The following CCDC138 variants were observed in gnomAD, a reference collection of about 807,000 sequenced individuals.
CCDC138 encodes the protein coiled-coil domain containing 138.
CCDC138 carries 66 observed loss-of-function variants against 82.3 expected under a neutral mutation model. The ratio of observed to expected loss-of-function variants is 0.80; its 90% CI spans 0.66 to 0.98. CCDC138 has a LOEUF of 0.98. Ranked by LOEUF, CCDC138 falls within the 50% of genes least tolerant of loss-of-function variation. The probability of loss-of-function intolerance (pLI) is 0.00; values close to 1 mark genes in which losing one functional copy is unlikely to be tolerated. For missense variants in CCDC138, 816 were observed against 758.9 expected (o/e 1.08, Z -0.88); for synonymous variants, 297 against 265.4 (o/e 1.12, Z -1.16).
At chr2:108,854,010 AAT>A (rs1266328330) in intron 12 of CCDC138, among the ~76,000 whole-genome samples, 1,370 of 99,418 alleles carry the variant, frequency 0.014, 19 homozygotes, top group Non-Finnish European at 0.022. Flanking sequence ...TATTATATAT[AAT>A]ATATAATAAA....
chr2:108,830,293 T>C (rs1183062452), intron 10 of CCDC138, among the ~76,000 whole-genome samples: 2 of 152,156 alleles, frequency 1.3e-5, no homozygotes, highest in Non-Finnish European at 2.9e-5. Context: ...GGATACAGAG[T>C]TTCATTTTGG....
chr2:108,882,643 T>A (rs1242214049), intron 1 of CCDC138: 1 of 152,312 alleles, frequency 6.6e-6, no homozygotes, highest in African/African-American at 2.4e-5. Context: ...ACCTTTTTTG[T>A]TCACTTCCCA....
chr2:108,796,208 C>T (rs1680851165), intron 5 of CCDC138, among the ~76,000 whole-genome samples: 1 of 152,082 alleles, frequency 6.6e-6, no homozygotes, highest in South Asian at 2.1e-4. Context: ...GCCACCGCGC[C>T]CGGCTAATTT....
chr2:108,797,203 A>G (rs762940148), intron 5 of CCDC138, among the ~76,000 whole-genome samples: 2 of 152,200 alleles, frequency 1.3e-5, no homozygotes, highest in African/African-American at 2.4e-5. Context: ...AGCCCAAATC[A>G]TAAGGAATAT....
chr2:108,835,327 A>G (rs1464392500), intron 10 of CCDC138, among the ~76,000 whole-genome samples: 1 of 152,224 alleles, frequency 6.6e-6, no homozygotes, highest in Non-Finnish European at 1.5e-5. Flanking sequence ...GTTCTTATTC[A>G]GAAAATATTC....
downstream of CCDC138, among the ~76,000 whole-genome samples, chr2:108,880,191 TAA>T (rs10714990): frequency 0.74 from 108,896 of 148,076 alleles, 42,376 homozygotes; most frequent in East Asian, 0.95. Flanking sequence ...CAGGGTAACT[TAA>T]AAAAAAAAAA....
intron 9 of CCDC138, 116 bp from the exon 10 acceptor site, chr2:108,815,825 C>T (rs1321044687): frequency 5.9e-6 from 5 of 852,966 alleles, no homozygotes; most frequent in Non-Finnish European, 9.0e-6. Context: ...GTCCTTAACA[C>T]ATTTTAGTGA....
rs529382484 is a variant in CCDC138 at position 108,829,395 on chromosome 2, A to C, written c.1207-9790A>C. On this transcript the variant is annotated intron_variant, in intron 10 of 14. Transcript: ENST00000295124. ...AGCTCATAAAAAGATGCTTAACATC[A>C]CTACTCTCTAAGGAAATACAAAACC... Among the ~76,000 whole-genome samples, 3 of 152,342 alleles carry C rather than the reference A, an allele frequency of 2.0e-5. No homozygotes were observed. The South Asian group carries it at 6.2e-4, about 32-fold the overall frequency.
chr2:108,837,482 AAT>A (rs1214027541), intron 10 of CCDC138, among the ~76,000 whole-genome samples: 1 of 152,190 alleles, frequency 6.6e-6, no homozygotes, highest in African/African-American at 2.4e-5. Flanking sequence ...GTGGTCCCAT[AAT>A]ATTATAATGG....
intron 13 of CCDC138, among the ~76,000 whole-genome samples, chr2:108,872,778 A>G (rs944250256): frequency 6.6e-6 from 1 of 152,150 alleles, no homozygotes; most frequent in African/African-American, 2.4e-5. Flanking sequence ...TTTCAACATG[A>G]GTTCTACAGA....
chr2:108,838,363 C>T (rs1385194654), intron 10 of CCDC138, among the ~76,000 whole-genome samples: 1 of 152,202 alleles, frequency 6.6e-6, no homozygotes, highest in Non-Finnish European at 1.5e-5. Context: ...ACAATACACT[C>T]ATAATCATTA....
chr2:108,832,838 A>T (rs528712175), intron 10 of CCDC138, among the ~76,000 whole-genome samples: 15 of 152,240 alleles, frequency 9.9e-5, no homozygotes, highest in Non-Finnish European at 4.4e-5. Context: ...GTGAGGTATG[A>T]TGTGAGGAAA....
intron 5 of CCDC138, 45 bp from the exon 6 acceptor site, chr2:108,798,383 A>G: frequency 6.3e-7 from 1 of 1,577,284 alleles, no homozygotes. Context: ...AATTTGCAGA[A>G]TTTGTGACTT....
chr2:108,873,140 G>A lies in CCDC138; in HGVS notation c.1694-311G>A, dbSNP rs1197301483. On this transcript the variant is annotated intron_variant, in intron 13 of 14. Transcript: ENST00000295124. ...TGTTGCTAATTATAGTATTTAAACT[G>A]AACTTATTGTTACGAACTTACTGAA... is the stretch of plus-strand genomic sequence containing the variant. Among the ~76,000 whole-genome samples the A allele has an allele frequency of 2.0e-5, 3 of 152,112 alleles. No homozygotes were observed. In the East Asian group the frequency reaches 5.8e-4, roughly 29 times the overall value.
chr2:108,811,560 C>CT (rs1269522795), intron 7 of CCDC138, among the ~76,000 whole-genome samples: 1 of 151,936 alleles, frequency 6.6e-6, no homozygotes, highest in African/African-American at 2.4e-5. Flanking sequence ...TTTTCTTAGT[C>CT]TAGCTCATGG....
rs569980721 is a variant in CCDC138 at position 108,831,878 on chromosome 2, A to C, written c.1207-7307A>C. ...CTCCCGAGTAGCTGGGATTGCAGGC[A>C]CTGGCCACCATGCCTGGCTAATTTT... On this transcript the variant is annotated intron_variant, in intron 10 of 14. Transcript: ENST00000295124. Among the ~76,000 whole-genome samples, 4 of 146,242 alleles carry C rather than the reference A, an allele frequency of 2.7e-5. No homozygotes were observed. The East Asian group carries it at 8.3e-4, about 30-fold the overall frequency.
intron 2 of CCDC138, chr2:108,884,702 A>G (rs944986316): frequency 1.3e-5 from 2 of 152,112 alleles, no homozygotes; most frequent in African/African-American, 2.4e-5. Context: ...CCTTTTCGAG[A>G]TTGTGTCCTC....
chr2:108,848,035 T>C (rs1281792355), intron 12 of CCDC138, among the ~76,000 whole-genome samples: 2 of 152,188 alleles, frequency 1.3e-5, no homozygotes, highest in Non-Finnish European at 2.9e-5. Flanking sequence ...AAATGGATTC[T>C]AAATAAGAAT....
At chr2:108,880,458 G>A (rs1235256699), downstream of CCDC138, among the ~76,000 whole-genome samples, 1 of 152,146 alleles carries the variant, frequency 6.6e-6, no homozygotes, top group East Asian at 1.9e-4. Flanking sequence ...CATCCAGAAG[G>A]CTAAACTTCC....
Sources: allele counts gnomAD v4.1 joint callset (sites outside exome capture counted in the v4.1 genomes callset), GRCh38; gene constraint gnomAD v4.1.1; transcripts MANE v1.5; gene names NCBI Gene and HGNC (gene_info 2026-07-23, HGNC 2026-07-21).